KLHL5: variants seen among roughly 807,000 people sequenced by gnomAD.
KLHL5 encodes kelch-like protein 5.
KLHL5 carries 48 observed loss-of-function variants against 77.7 expected under a neutral mutation model. That is an observed-to-expected ratio of 0.62 (90% CI 0.49 to 0.79). The LOEUF is 0.79. Among genes scored for constraint, KLHL5 ranks in the 30% least tolerant of loss-of-function variants. The pLI, the probability that KLHL5 is intolerant of heterozygous loss-of-function variation, is 0.00. For synonymous variants in KLHL5, 260 were observed against 297.0 expected, an observed-to-expected ratio of 0.88 and a Z score of 1.28; for missense variants, 723 against 859.7, an observed-to-expected ratio of 0.84 and a Z score of 1.99.
chr4:39,109,581 G>A (rs11096978), intron 8 of KLHL5, among the ~76,000 whole-genome samples: 79,310 of 151,008 alleles, frequency 0.53, 21,383 homozygotes, highest in Non-Finnish European at 0.6. Flanking sequence ...TTACAGGCAT[G>A]AGCCACTGCA....
chr4:39,061,760 T>C (rs1431946328), upstream of KLHL5, among the ~76,000 whole-genome samples: 1 of 152,264 alleles, frequency 6.6e-6, no homozygotes, highest in Non-Finnish European at 1.5e-5. Flanking sequence ...GATGTTACAC[T>C]AACTGGCAGT....
the KLHL5 span, among the ~76,000 whole-genome samples, chr4:39,142,886 T>G: frequency 6.6e-6 from 1 of 151,742 alleles, no homozygotes; most frequent in Non-Finnish European, 1.5e-5. Flanking sequence ...GAAGAACAGA[T>G]TAGGGATTGT....
intron 1 of KLHL5, among the ~76,000 whole-genome samples, chr4:39,072,984 T>C (rs1205340581): frequency 6.6e-6 from 1 of 152,250 alleles, no homozygotes; most frequent in African/African-American, 2.4e-5. Flanking sequence ...ATATTAGAGT[T>C]AATGAATTTG....
At chr4:39,128,008 A>G (rs1387595261), downstream of KLHL5, among the ~76,000 whole-genome samples, 1 of 152,188 alleles carries the variant, frequency 6.6e-6, no homozygotes, top group Non-Finnish European at 1.5e-5. Flanking sequence ...GAGTTAATCC[A>G]ATAGAGAATC....
Position 39,123,586 on chromosome 4 carries a change from A to C in KLHL5, c.*2520A>C, listed in dbSNP as rs1193082376. On this transcript the variant is annotated 3_prime_UTR_variant, in exon 11 of 11. Coordinates refer to ENST00000504108, the MANE Select transcript of KLHL5 (RefSeq NM_015990.5). The stretch of plus-strand genomic sequence containing the variant: ...GTCAATCGATGTAATAATATACCAT[A>C]TTAATAGAATGAAGGGGAAAAAACA... Among the ~76,000 whole-genome samples, 1 of 152,226 alleles carries C rather than the reference A, an allele frequency of 6.6e-6. No homozygotes were observed. Among genetic ancestry groups the C allele is most frequent in the East Asian group, 1.9e-4 (1 of 5,202 alleles).
intron 2 of KLHL5, among the ~76,000 whole-genome samples, chr4:39,080,672 T>C (rs1378182169): frequency 6.6e-6 from 1 of 151,958 alleles, no homozygotes; most frequent in Non-Finnish European, 1.5e-5. Flanking sequence ...AAGATAATAA[T>C]AGAATATTAT....
At chr4:39,047,181 G>A (rs1716255553) in intron 1 of KLHL5, among the ~76,000 whole-genome samples, 1 of 152,210 alleles carries the variant, frequency 6.6e-6, no homozygotes, top group South Asian at 2.1e-4. Context: ...ACTTTGGGAG[G>A]CCAAGGTAGG....
chr4:39,072,183 A>C (rs752155765), intron 1 of KLHL5, among the ~76,000 whole-genome samples: 5 of 152,258 alleles, frequency 3.3e-5, no homozygotes, highest in Middle Eastern at 3.4e-3. Context: ...CATTATATAA[A>C]GACAAAAGAC....
At chr4:39,044,875 C>CGG, upstream of KLHL5, 6 of 910,502 alleles carry the variant, frequency 6.6e-6, no homozygotes, top group Non-Finnish European at 7.9e-6. Flanking sequence ...CGGGGCCACC[C>CGG]GGGGACTCTG....
intron 6 of KLHL5, among the ~76,000 whole-genome samples, chr4:39,100,420 A>G (rs1341703593): frequency 1.3e-5 from 2 of 152,130 alleles, no homozygotes; most frequent in Non-Finnish European, 2.9e-5. Context: ...GTCAGCCTAC[A>G]TATTTTGGTC....
intron 6 of KLHL5, among the ~76,000 whole-genome samples, chr4:39,098,269 T>G (rs1721246988): frequency 6.6e-6 from 1 of 152,048 alleles, no homozygotes; most frequent in South Asian, 2.1e-4. Context: ...GTTTTTTTGT[T>G]TTTTTTGTTT....
At chr4:39,129,772 A>T (rs1327183114), downstream of KLHL5, among the ~76,000 whole-genome samples, 1 of 152,198 alleles carries the variant, frequency 6.6e-6, no homozygotes, top group African/African-American at 2.4e-5. This position sits in a 1 kb window ranked among gnomAD's most constrained non-coding sequence, Gnocchi z 4.2. Flanking sequence ...GAGAAATTTT[A>T]TAATTTATTT....
Position 39,062,616 on chromosome 4 carries a change from T to C in KLHL5, c.-37T>C. 6.2e-7 allele frequency: 1 copy of C among 1,614,188 alleles called. No homozygotes were observed. Among genetic ancestry groups the C allele is most frequent in the Non-Finnish European group, 8.5e-7 (1 of 1,180,026 alleles). On this transcript the variant is annotated 5_prime_UTR_variant, in exon 1 of 11. Transcript: ENST00000504108. ...GCACAAATCTGTGTGCAGTGCTTTT[T>C]GCCCGTTGCCTAGACGATCACTTGG...
chr4:39,076,742 GGTTT>G (rs1204600822), intron 2 of KLHL5, among the ~76,000 whole-genome samples: 2 of 147,732 alleles, frequency 1.4e-5, no homozygotes, highest in African/African-American at 2.5e-5. Context: ...GATTCTCAAA[GGTTT>G]TTTTTTTTTT....
At position 39,103,468 on chromosome 4, in the gene KLHL5, T is replaced by C; in HGVS notation, c.1482T>C (p.Thr494=). The C allele has an allele frequency of 6.2e-7, 1 of 1,614,136 alleles. No homozygotes were observed. Among genetic ancestry groups the C allele is most frequent in the Middle Eastern group, 1.6e-4 (1 of 6,062 alleles). ...TVECYNPKTK[T]WSVMPPMSTH... is the part of the protein sequence containing the mutation. ...AGTGCTACAACCCCAAAACAAAAAC[T>C]TGGAGTGTGATGCCACCTATGTCCA... The change falls in exon 7 of 11, where the codon ACT becomes ACC. Residue 494 remains threonine (T), a synonymous_variant. Transcript: ENST00000504108.
At chr4:39,134,522 C>CT in the KLHL5 span, among the ~76,000 whole-genome samples, 27 of 152,264 alleles carry the variant, frequency 1.8e-4, no homozygotes, top group Admixed American at 3.9e-4. Context: ...TGCAAGATTG[C>CT]TACATGGAGG....
chr4:39,087,271 T>C (rs922439555), intron 5 of KLHL5, among the ~76,000 whole-genome samples: 1 of 152,150 alleles, frequency 6.6e-6, no homozygotes, highest in African/African-American at 2.4e-5. Context: ...TACAAACCTA[T>C]CCTACCAATT....
chr4:39,132,584 G>A, the KLHL5 span, among the ~76,000 whole-genome samples: 118 of 151,996 alleles, frequency 7.8e-4, no homozygotes, highest in African/African-American at 2.8e-3. Flanking sequence ...CTCCAGCCTG[G>A]GCGACAGAGT....
rs1982009 is a variant in KLHL5 at position 39,123,253 on chromosome 4, C to T, written c.*2187C>T. 0.52 allele frequency among the ~76,000 whole-genome samples: 79,750 copies of T among 151,926 alleles called. 21,529 individuals carry two copies. The highest frequency in any genetic ancestry group is 0.59 in the Non-Finnish European group (40,429 of 67,956). On this transcript the variant is annotated 3_prime_UTR_variant, in exon 11 of 11. Coordinates refer to ENST00000504108, the MANE Select transcript of KLHL5 (RefSeq NM_015990.5). ...ATCTCCCAACAAAGAAAGTCCAGGACTAAATGAGTTTACTGGCAAACTATG... is the reference window on the plus strand; with the variant it reads ...ATCTCCCAACAAAGAAAGTCCAGGATTAAATGAGTTTACTGGCAAACTATG...
Sources: gnomAD v4.1 joint callset for allele counts (sites outside exome capture counted in the v4.1 genomes callset) on GRCh38, gnomAD v4.1.1 for gene constraint, Gnocchi (gnomAD v3.1) non-coding constraint, MANE v1.5 for transcripts, NCBI Gene and HGNC (gene_info 2026-07-23, HGNC 2026-07-21) for gene names.